The following RIT2 variants were observed in gnomAD, a reference collection of about 807,000 sequenced individuals.
The protein encoded by RIT2 is Ras like without CAAX 2, also known as GTP-binding protein Rit2.
In RIT2, 24 loss-of-function variants were observed where a neutral mutation model predicts 23.7. That is an observed-to-expected ratio of 1.01 (90% CI 0.73 to 1.43). The LOEUF (loss-of-function observed/expected upper bound fraction) is 1.43, where lower values mean the gene tolerates loss of function less well. Among genes scored for constraint, RIT2 ranks in the 40% most tolerant of loss-of-function variants. The probability of loss-of-function intolerance (pLI) is 0.00; values close to 1 mark genes in which losing one functional copy is unlikely to be tolerated. For synonymous variants in RIT2, 107 were observed against 91.1 expected (o/e 1.17, Z -0.99); for missense variants, 236 against 266.9 (o/e 0.88, Z 0.81).
intron 4 of RIT2, among the ~76,000 whole-genome samples, chr18:42,827,136 G>C (rs73470072): frequency 6.6e-6 from 1 of 152,136 alleles, no homozygotes; most frequent in Non-Finnish European, 1.5e-5. Context: ...CTATAGTAAT[G>C]AGAACCATAC....
chr18:42,926,095 C>T (rs1909173532), intron 3 of RIT2, among the ~76,000 whole-genome samples: 1 of 151,650 alleles, frequency 6.6e-6, no homozygotes, highest in African/African-American at 2.4e-5. Context: ...ACCTGAGAAT[C>T]TTTTTGGTCT....
intron 4 of RIT2, among the ~76,000 whole-genome samples, chr18:42,810,894 G>C (rs1427694803): frequency 3.3e-5 from 5 of 151,874 alleles, no homozygotes; most frequent in Non-Finnish European, 5.9e-5. Context: ...TCCTAGCATT[G>C]TCTGCTCTCT....
chr18:42,960,514 C>A (rs1054707013), intron 3 of RIT2, among the ~76,000 whole-genome samples: 1 of 152,216 alleles, frequency 6.6e-6, no homozygotes. Context: ...GGGGTTTCAC[C>A]ATGTTGGCCA....
chr18:42,979,141 T>A (rs1321802043), intron 2 of RIT2, among the ~76,000 whole-genome samples: 1 of 152,094 alleles, frequency 6.6e-6, no homozygotes, highest in Non-Finnish European at 1.5e-5. Context: ...TAACTAGAAA[T>A]ATAAAGTTTT....
intron 4 of RIT2, among the ~76,000 whole-genome samples, chr18:42,910,620 T>C (rs569178061): frequency 9.2e-5 from 14 of 151,674 alleles, no homozygotes; most frequent in Non-Finnish European, 1.8e-4. Context: ...AGTGGTGAGG[T>C]AGAGAAGAAG....
intron 3 of RIT2, among the ~76,000 whole-genome samples, chr18:42,960,698 A>G (rs372115388): frequency 2.6e-5 from 4 of 152,296 alleles, no homozygotes; most frequent in South Asian, 2.1e-4. Flanking sequence ...AGCTCTAAAG[A>G]TATTTCCTAA....
intron 1 of RIT2, among the ~76,000 whole-genome samples, chr18:43,088,491 A>G (rs76843198): frequency 6.6e-6 from 1 of 152,134 alleles, no homozygotes. Context: ...TCCTCACAGT[A>G]AAAAAACTGG....
chr18:42,942,559 G>A (rs996994730), intron 3 of RIT2, among the ~76,000 whole-genome samples: 10 of 152,146 alleles, frequency 6.6e-5, no homozygotes, highest in South Asian at 2.1e-4. Flanking sequence ...TCTGGCCACC[G>A]TCTGCGTGGA....
At chr18:42,896,268 AAAAAT>A (rs1908327930) in intron 4 of RIT2, among the ~76,000 whole-genome samples, 1 of 152,196 alleles carries the variant, frequency 6.6e-6, no homozygotes, top group African/African-American at 2.4e-5. Context: ...CCGTCACAAA[AAAAAT>A]AAAAAAAGTT....
At chr18:42,972,017 TC>T (rs1910372564) in intron 3 of RIT2, among the ~76,000 whole-genome samples, 1 of 152,036 alleles carries the variant, frequency 6.6e-6, no homozygotes, top group African/African-American at 2.4e-5. Flanking sequence ...AATTTCACTT[TC>T]TACCAAAGCA....
intron 4 of RIT2, among the ~76,000 whole-genome samples, chr18:42,872,928 G>A (rs1158636050): frequency 6.6e-6 from 1 of 152,120 alleles, no homozygotes; most frequent in East Asian, 1.9e-4. Flanking sequence ...TGTTTGTAGT[G>A]TACTATAGAT....
chr18:43,061,445 T>C (rs910653592), intron 1 of RIT2, among the ~76,000 whole-genome samples: 10 of 152,074 alleles, frequency 6.6e-5, no homozygotes. Context: ...CTACAGGTGA[T>C]AGCAAGAGGA....
chr18:42,882,105 T>C (rs1474846669), intron 4 of RIT2, among the ~76,000 whole-genome samples: 1 of 152,238 alleles, frequency 6.6e-6, no homozygotes, highest in Non-Finnish European at 1.5e-5. Context: ...CATTTGATTA[T>C]TTTTTAACTA....
chr18:42,951,551 C>A (rs1055954844), intron 3 of RIT2, among the ~76,000 whole-genome samples: 4 of 151,642 alleles, frequency 2.6e-5, no homozygotes, highest in Admixed American at 6.6e-5. Flanking sequence ...GGTAATAAAC[C>A]TGCAAATGTA....
intron 4 of RIT2, among the ~76,000 whole-genome samples, chr18:42,811,645 A>G (rs2642799): frequency 0.59 from 90,107 of 151,904 alleles, 30,413 homozygotes; most frequent in Middle Eastern, 0.76. Context: ...TCACTGCATT[A>G]AAAATCCACA....
Position 42,759,191 on chromosome 18 carries a change from T to C in RIT2, c.427-15471A>G, listed in dbSNP as rs144679082. On this transcript the variant is annotated intron_variant, in intron 4 of 4. Transcript: ENST00000326695. ...AGCTTAAGGGTCATCTTTCAGGACA[T>C]TAAATCATTATGTCTCTTCCACATC... Among the ~76,000 whole-genome samples, 18 of 152,286 alleles carry C rather than the reference T, an allele frequency of 1.2e-4. No homozygotes were observed. The East Asian group carries it at 3.3e-3, about 28-fold the overall frequency.
At chr18:42,940,016 C>T (rs1909556610) in intron 3 of RIT2, among the ~76,000 whole-genome samples, 1 of 151,776 alleles carries the variant, frequency 6.6e-6, no homozygotes, top group Admixed American at 6.6e-5. Flanking sequence ...TATAGATTAA[C>T]ACTCTGAAAA....
intron 1 of RIT2, among the ~76,000 whole-genome samples, chr18:43,039,407 G>A (rs1912073219): frequency 6.8e-6 from 1 of 147,178 alleles, no homozygotes; most frequent in Non-Finnish European, 1.5e-5. Context: ...GGAGTGCAAT[G>A]GTGCGATCTA....
At chr18:43,088,335 A>G (rs928226440) in intron 1 of RIT2, among the ~76,000 whole-genome samples, 3 of 152,202 alleles carry the variant, frequency 2.0e-5, no homozygotes, top group African/African-American at 4.8e-5. Flanking sequence ...TAATGTTCTA[A>G]TATTTCTAAT....
Sources: allele counts gnomAD v4.1 joint callset (sites outside exome capture counted in the v4.1 genomes callset), GRCh38; gene constraint gnomAD v4.1.1; transcripts MANE v1.5; gene names NCBI Gene and HGNC (gene_info 2026-07-23, HGNC 2026-07-21).